The following ATP8A1 variants were observed in gnomAD, a reference collection of about 807,000 sequenced individuals.
ATP8A1 encodes phospholipid-transporting ATPase IA.
A neutral mutation model predicts 177.7 loss-of-function variants in ATP8A1; 90 were observed. The observed-to-expected ratio is 0.51, with a 90% CI of 0.43 to 0.60. ATP8A1 has a LOEUF of 0.60. Ranked by LOEUF, ATP8A1 falls within the 20% of genes least tolerant of loss-of-function variation. ATP8A1 has a pLI of 0.00. For missense variants in ATP8A1, 1,072 were observed against 1,392.8 expected, an observed-to-expected ratio of 0.77 and a Z score of 3.67; for synonymous variants, 493 against 485.9, an observed-to-expected ratio of 1.01 and a Z score of -0.19.
At chr4:42,429,381 G>GT (rs140094527) in intron 33 of ATP8A1, among the ~76,000 whole-genome samples, 20,467 of 149,924 alleles carry the variant, frequency 0.14, 1,717 homozygotes, top group East Asian at 0.2. Flanking sequence ...AAATAAAAGT[G>GT]TTTTGTTTTT....
intron 15 of ATP8A1, among the ~76,000 whole-genome samples, chr4:42,564,102 G>A (rs1365470152): frequency 6.6e-6 from 1 of 152,156 alleles, no homozygotes; most frequent in Non-Finnish European, 1.5e-5. Context: ...CTGGGGTTGC[G>A]GGGCGGGGAA....
rs35296572 is a variant in ATP8A1, at chr4:42,460,379, CTTT to C, written c.2619+4308_2619+4310del. Among the ~76,000 whole-genome samples the C allele has an allele frequency of 7.1e-3, 671 of 94,568 alleles. 3 individuals carry two copies. The highest frequency in any genetic ancestry group is 0.02 in the African/African-American group (504 of 25,576). The allele number at this position is 94,568 out of a possible 152,430, so 62.0% of individuals were successfully genotyped here. ...ATTTCCATATAGCAAATGGATGGAT[CTTT>C]TTTTTTTTTTTTTTTTTTTTTCTGA... On this transcript the variant is annotated intron_variant, in intron 27 of 36. Transcript: ENST00000381668.
intron 22 of ATP8A1, 74 bp downstream of exon 22, chr4:42,522,086 T>C (rs1726186029): frequency 4.0e-6 from 6 of 1,505,542 alleles, no homozygotes; most frequent in Non-Finnish European, 4.5e-6. Flanking sequence ...TTTTATTCCA[T>C]TGGTTCCTTG....
intron 1 of ATP8A1, chr4:42,637,146 A>G (rs564388132): frequency 7.7e-6 from 4 of 518,872 alleles, no homozygotes; most frequent in African/African-American, 3.8e-5. Flanking sequence ...CTGTACCTCA[A>G]CCGCTAGCTG....
intron 5 of ATP8A1, among the ~76,000 whole-genome samples, chr4:42,607,757 G>C (rs925933670): frequency 1.3e-5 from 2 of 152,084 alleles, no homozygotes; most frequent in Admixed American, 6.6e-5. Flanking sequence ...AATGTAACTG[G>C]ATTAGATTTC....
At chr4:42,647,340 A>G (rs1740637804) in intron 1 of ATP8A1, among the ~76,000 whole-genome samples, 1 of 152,192 alleles carries the variant, frequency 6.6e-6, no homozygotes, top group Non-Finnish European at 1.5e-5. Context: ...ATTTACAACT[A>G]TGCTGTTCAA....
intron 5 of ATP8A1, among the ~76,000 whole-genome samples, chr4:42,607,976 C>T (rs993019979): frequency 4.6e-5 from 7 of 152,172 alleles, no homozygotes; most frequent in Admixed American, 4.6e-4. Flanking sequence ...CTACCAGTTC[C>T]AACCAAACAC....
chr4:42,456,046 T>C (rs1718448811), intron 27 of ATP8A1, among the ~76,000 whole-genome samples: 1 of 152,190 alleles, frequency 6.6e-6, no homozygotes, highest in African/African-American at 2.4e-5. Flanking sequence ...ATCACCATTT[T>C]TGTCTGCACT....
intron 1 of ATP8A1, among the ~76,000 whole-genome samples, chr4:42,648,150 C>G (rs923556992): frequency 3.9e-5 from 6 of 151,992 alleles, no homozygotes; most frequent in African/African-American, 1.2e-4. Context: ...AATGCAATTC[C>G]AATAAATATT....
At chr4:42,528,528 G>A (rs1726941527) in intron 20 of ATP8A1, among the ~76,000 whole-genome samples, 1 of 151,878 alleles carries the variant, frequency 6.6e-6, no homozygotes, top group Non-Finnish European at 1.5e-5. Flanking sequence ...TGTAGCTGCT[G>A]TACCAGATGT....
chr4:42,524,608 G>C (rs1487098199), intron 21 of ATP8A1, among the ~76,000 whole-genome samples, 155 bp downstream of exon 21: 2 of 152,014 alleles, frequency 1.3e-5, no homozygotes, highest in Admixed American at 1.3e-4. Flanking sequence ...TAAAAACACA[G>C]GCTGGGAACA....
chr4:42,452,563 G>A (rs369437648), intron 29 of ATP8A1, among the ~76,000 whole-genome samples: 1 of 152,082 alleles, frequency 6.6e-6, no homozygotes, highest in Non-Finnish European at 1.5e-5. Context: ...ACTCGTTATA[G>A]CCAGTATTAT....
chr4:42,603,456 G>T (rs769662995), intron 5 of ATP8A1, among the ~76,000 whole-genome samples: 1 of 151,910 alleles, frequency 6.6e-6, no homozygotes, highest in Non-Finnish European at 1.5e-5. Flanking sequence ...TTTGGGTATG[G>T]TTTTTTTAAC....
chr4:42,577,418 A>T (rs1732583048), intron 12 of ATP8A1, among the ~76,000 whole-genome samples: 1 of 152,196 alleles, frequency 6.6e-6, no homozygotes, highest in Non-Finnish European at 1.5e-5. Flanking sequence ...AATTCGCTAC[A>T]AGAAGATAAT....
In ATP8A1 at chr4:42,507,795, A is replaced by AC. The variant is rs1304547027; in HGVS notation, c.1948-642_1948-641insG. Among the ~76,000 whole-genome samples the AC allele has an allele frequency of 3.9e-3, 543 of 140,594 alleles. 10 individuals are homozygous for AC. Among genetic ancestry groups the AC allele is most frequent in the Middle Eastern group, 7.0e-3 (2 of 286 alleles). 92.2% of individuals were successfully genotyped at this position (140,594 alleles called of 152,430 possible). A position where few individuals can be genotyped will look rare whatever the true frequency, so the allele number is the denominator to read the frequency against. ...ACAGGCATTCTAAAAAAAAAAAAAAAAAAAAAAAAAAAAACATACAAACAG... is the reference window on the plus strand; with the variant it reads ...ACAGGCATTCTAAAAAAAAAAAAAAACAAAAAAAAAAAAAACATACAAACAG... On this transcript the variant is annotated intron_variant, in intron 22 of 36. Transcript: ENST00000381668.
In ATP8A1 at chr4:42,552,619, A is replaced by G. The variant is rs767340562; in HGVS notation, c.1414-9T>C. On this transcript the variant is annotated splice_polypyrimidine_tract_variant and intron_variant, in intron 16 of 36. Coordinates refer to ENST00000381668, the MANE Select transcript of ATP8A1 (RefSeq NM_006095.2). ...ATTATAGGTGCAGTTGGCTGTGAAA[A>G]ATAAACACATAATTTAAGCCCTTCT... 6.3e-7 allele frequency: 1 copy of G among 1,592,678 alleles called. No individual in the cohort carries two copies. The highest frequency in any genetic ancestry group is 8.6e-7 in the Non-Finnish European group (1 of 1,162,622).
At chr4:42,620,015 A>G (rs531625118) in intron 4 of ATP8A1, among the ~76,000 whole-genome samples, 1 of 152,344 alleles carries the variant, frequency 6.6e-6, no homozygotes, top group Admixed American at 6.5e-5. Context: ...AAACTTATAT[A>G]TTAAGCCACT....
intron 13 of ATP8A1, 30 bp downstream of exon 13, chr4:42,575,592 C>T: frequency 1.9e-6 from 3 of 1,592,764 alleles, no homozygotes; most frequent in Non-Finnish European, 1.7e-6. Context: ...TTTTTAATTC[C>T]ACACATAATC....
chr4:42,583,694 G>A (rs1288408824), intron 9 of ATP8A1, among the ~76,000 whole-genome samples: 7 of 152,120 alleles, frequency 4.6e-5, no homozygotes. Context: ...ATTCCAAAGG[G>A]TCTCCAAGAG....
Sources: allele counts gnomAD v4.1 joint callset (sites outside exome capture counted in the v4.1 genomes callset), GRCh38; gene constraint gnomAD v4.1.1; transcripts MANE v1.5; gene names NCBI Gene and HGNC (gene_info 2026-07-23, HGNC 2026-07-21).